SEMA3A: variants seen among roughly 807,000 people sequenced by gnomAD.
SEMA3A encodes semaphorin-3A.
SEMA3A carries 29 observed loss-of-function variants against 97.9 expected under a neutral mutation model. The observed-to-expected ratio is 0.30, with a 90% CI of 0.22 to 0.40. The LOEUF (loss-of-function observed/expected upper bound fraction) is 0.40, where lower values mean the gene tolerates loss of function less well. Among genes scored for constraint, SEMA3A ranks in the 10% least tolerant of loss-of-function variants. The probability of loss-of-function intolerance (pLI) is 1.00; values close to 1 mark genes in which losing one functional copy is unlikely to be tolerated. For synonymous variants in SEMA3A, 321 were observed against 323.7 expected, an observed-to-expected ratio of 0.99 and a Z score of 0.09; for missense variants, 763 against 951.3, an observed-to-expected ratio of 0.80 and a Z score of 2.60.
At chr7:84,195,424 T>C (rs1005121679), upstream of SEMA3A, 3 of 81,792 alleles carry the variant, frequency 3.7e-5, no homozygotes, top group African/African-American at 1.6e-4. Context: ...TATGTGTGCG[T>C]GTGTGTGTGT....
intron 1 of SEMA3A, among the ~76,000 whole-genome samples, chr7:84,458,504 C>G (rs1486212433): frequency 6.6e-6 from 1 of 151,860 alleles, no homozygotes; most frequent in Non-Finnish European, 1.5e-5. Context: ...ATTTCATTTT[C>G]TAATGTACTC....
chr7:84,098,169 T>C (rs1459483551), intron 4 of SEMA3A, among the ~76,000 whole-genome samples: 3 of 152,056 alleles, frequency 2.0e-5, no homozygotes, highest in Non-Finnish European at 4.4e-5. Context: ...TACTTTTCTG[T>C]GTATTTAAAA....
chr7:84,452,151 C>A (rs957675674), intron 1 of SEMA3A, among the ~76,000 whole-genome samples: 12 of 152,122 alleles, frequency 7.9e-5, no homozygotes, highest in African/African-American at 2.9e-4. Flanking sequence ...AGAAGGATCA[C>A]ACATTTGTCC....
intron 14 of SEMA3A, among the ~76,000 whole-genome samples, chr7:83,980,375 G>A (rs1346077872): frequency 2.6e-5 from 4 of 151,662 alleles, no homozygotes; most frequent in Non-Finnish European, 5.9e-5. Flanking sequence ...CAAAGGCCAA[G>A]GCATGAGGAT....
chr7:84,015,410 C>A (rs1390965468), intron 6 of SEMA3A, among the ~76,000 whole-genome samples: 1 of 152,130 alleles, frequency 6.6e-6, no homozygotes, highest in Non-Finnish European at 1.5e-5. Context: ...TAGAGCTCCA[C>A]TTCAAACAGT....
chr7:84,284,943 T>C (rs1015427328), intron 3 of SEMA3A, among the ~76,000 whole-genome samples: 1 of 152,108 alleles, frequency 6.6e-6, no homozygotes, highest in African/African-American at 2.4e-5. Flanking sequence ...AATGTTTGTG[T>C]TTTCTTGCAA....
intron 6 of SEMA3A, among the ~76,000 whole-genome samples, chr7:84,039,707 G>A (rs1792066518): frequency 6.6e-6 from 1 of 151,978 alleles, no homozygotes; most frequent in South Asian, 2.1e-4. Context: ...GCTGTATTTA[G>A]GGAGAAATCT....
At chr7:84,044,300 C>G (rs527944337) in intron 6 of SEMA3A, among the ~76,000 whole-genome samples, 2 of 152,038 alleles carry the variant, frequency 1.3e-5, no homozygotes, top group African/African-American at 2.4e-5. Context: ...ATCTCAGCAC[C>G]TTTTCATTTC....
intron 1 of SEMA3A, among the ~76,000 whole-genome samples, chr7:84,430,926 T>TA (rs937142454): frequency 3.3e-5 from 5 of 151,962 alleles, no homozygotes; most frequent in Non-Finnish European, 5.9e-5. Flanking sequence ...TTTTATTTTT[T>TA]AGAGCACTTT....
At position 84,424,227 on chromosome 7, in the gene SEMA3A, A is replaced by G. The variant is rs75713749; in HGVS notation, c.-245-52327T>C. Among the ~76,000 whole-genome samples, 2,007 of 150,670 alleles carry G rather than the reference A, an allele frequency of 0.013. 89 individuals are homozygous for G. The East Asian group carries it at 0.16, about 12-fold the overall frequency. ...TGCAGCACAATTCACAATTGCAAAGATACAGGATGACCCTATGTACCCACT... is the reference window on the plus strand; with the variant it reads ...TGCAGCACAATTCACAATTGCAAAGGTACAGGATGACCCTATGTACCCACT... On this transcript the variant is annotated intron_variant, in intron 1 of 3. Coordinates refer to the SEMA3A transcript ENST00000424555.
At chr7:84,423,551 C>A (rs1804658746) in intron 1 of SEMA3A, among the ~76,000 whole-genome samples, 2 of 151,970 alleles carry the variant, frequency 1.3e-5, no homozygotes, top group Non-Finnish European at 2.9e-5. Flanking sequence ...TAATTTATTT[C>A]CTATCTCTGT....
chr7:84,313,937 T>C (rs187686084), intron 2 of SEMA3A, among the ~76,000 whole-genome samples: 78 of 152,176 alleles, frequency 5.1e-4, no homozygotes, highest in African/African-American at 1.8e-3. Context: ...ACTGGTATTT[T>C]TTTCTTCTTC....
chr7:84,213,235 C>T (rs1442857028), intron 3 of SEMA3A, among the ~76,000 whole-genome samples: 1 of 152,154 alleles, frequency 6.6e-6, no homozygotes, highest in Non-Finnish European at 1.5e-5. Flanking sequence ...CCTCAGCCTC[C>T]CAAAGTGCTG....
At chr7:84,047,933 G>C (rs1420993454) in intron 5 of SEMA3A, among the ~76,000 whole-genome samples, 2 of 151,936 alleles carry the variant, frequency 1.3e-5, no homozygotes, top group Non-Finnish European at 2.9e-5. Context: ...TGTCTGAATA[G>C]ACTTGACTAT....
intron 6 of SEMA3A, among the ~76,000 whole-genome samples, chr7:84,028,392 A>T (rs1050256146): frequency 6.6e-6 from 1 of 152,326 alleles, no homozygotes; most frequent in Middle Eastern, 3.4e-3. Flanking sequence ...GTGATAAATG[A>T]TATCATTTAG....
intron 4 of SEMA3A, among the ~76,000 whole-genome samples, chr7:84,060,967 C>T (rs759823206): frequency 1.5e-4 from 23 of 152,160 alleles, no homozygotes; most frequent in African/African-American, 5.1e-4. Context: ...CAATTCACTA[C>T]GTTAGTTGTC....
At chr7:84,279,103 A>T (rs761593015) in intron 3 of SEMA3A, among the ~76,000 whole-genome samples, 151 of 152,286 alleles carry the variant, frequency 9.9e-4, no homozygotes, top group Middle Eastern at 3.4e-3. Flanking sequence ...ACTGTTTATA[A>T]AATAAATGGA....
At chr7:84,003,812 A>G (rs1584534353) in intron 11 of SEMA3A, among the ~76,000 whole-genome samples, 1 of 152,208 alleles carries the variant, frequency 6.6e-6, no homozygotes, top group South Asian at 2.1e-4. Flanking sequence ...TATTTCTTAT[A>G]TGTTCTAAGG....
chr7:84,137,426 A>T (rs1254778175), intron 1 of SEMA3A, among the ~76,000 whole-genome samples: 1 of 147,716 alleles, frequency 6.8e-6, no homozygotes, highest in Non-Finnish European at 1.5e-5. Flanking sequence ...AAGAAATGGC[A>T]TTCATTTCAT....
Sources: gnomAD v4.1 joint callset for allele counts (sites outside exome capture counted in the v4.1 genomes callset) on GRCh38, gnomAD v4.1.1 for gene constraint, MANE v1.5 for transcripts, NCBI Gene and HGNC (gene_info 2026-07-23, HGNC 2026-07-21) for gene names.